Variants in MOXD1 observed in about 807,000 individuals in gnomAD.
MOXD1 encodes the protein DBH-like monooxygenase protein 1.
MOXD1 carries 62 observed loss-of-function variants against 66.6 expected under a neutral mutation model. The observed-to-expected ratio is 0.93, with a 90% CI of 0.76 to 1.15. The LOEUF (loss-of-function observed/expected upper bound fraction) is 1.15. Among genes scored for constraint, MOXD1 ranks in the 50% most tolerant of loss-of-function variants. The pLI, the probability that MOXD1 is intolerant of heterozygous loss-of-function variation, is 0.00. For missense variants in MOXD1, 847 were observed against 754.6 expected (o/e 1.12, Z -1.44); for synonymous variants, 303 against 281.9 (o/e 1.07, Z -0.75).
chr6:132,317,329 G>A (rs1774981388), intron 9 of MOXD1, among the ~76,000 whole-genome samples: 1 of 152,086 alleles, frequency 6.6e-6, no homozygotes, highest in African/African-American at 2.4e-5. Flanking sequence ...GGCAGGATTA[G>A]GCAAAGGAAG....
rs966635220 is a variant in MOXD1 at position 132,315,738 on chromosome 6, G to T, written c.1405C>A (p.Leu469Ile). 48 of 1,613,212 alleles carry T rather than the reference G, an allele frequency of 3.0e-5. No homozygotes were observed. Among genetic ancestry groups the T allele is most frequent in the Non-Finnish European group, 3.6e-5 (43 of 1,179,532 alleles). The change falls in exon 10 of 12, where the codon CTT becomes ATT. Residue 469 changes from leucine to isoleucine, a missense_variant. Coordinates refer to ENST00000367963, the MANE Select transcript of MOXD1 (RefSeq NM_015529.4). ...AGATTAATTCTTGGGTAATAAAGAA[G>T]GTATGAGAGACACATTTCACTCCTG... Reference protein sequence around the residue: ...STRSEMCLSYLLYYPRINLTR... With the variant: ...STRSEMCLSYILYYPRINLTR...
intron 1 of MOXD1, among the ~76,000 whole-genome samples, chr6:132,388,210 G>C (rs1364919197): frequency 6.6e-6 from 1 of 151,336 alleles, no homozygotes; most frequent in Non-Finnish European, 1.5e-5. Flanking sequence ...TGTTTTCAGT[G>C]TGTCACATAC....
At position 132,397,089 on chromosome 6, in the gene MOXD1, G is replaced by A. The variant is rs1452802430; in HGVS notation, c.264+4074C>T. On this transcript the variant is annotated intron_variant, in intron 1 of 11. Transcript: ENST00000367963. ...CTCTTGGGACCTGCCACCATGCTGT[G>A]ACAAAGTCAAGCAGCCACACAGAGA... Among the ~76,000 whole-genome samples, 5 of 152,292 alleles carry A rather than the reference G, an allele frequency of 3.3e-5. No individual in the cohort carries two copies. The East Asian group carries it at 9.6e-4, about 29-fold the overall frequency.
At chr6:132,377,550 T>G (rs1776418974) in intron 1 of MOXD1, among the ~76,000 whole-genome samples, 1 of 152,220 alleles carries the variant, frequency 6.6e-6, no homozygotes, top group Non-Finnish European at 1.5e-5. Flanking sequence ...TATTCCACCT[T>G]TTTCTGGCTT....
chr6:132,334,722 G>A (rs576544671), intron 4 of MOXD1, among the ~76,000 whole-genome samples: 51 of 152,292 alleles, frequency 3.3e-4, no homozygotes, highest in African/African-American at 1.1e-3. Flanking sequence ...AGAGGAAAGC[G>A]TTTCTATCCA....
intron 10 of MOXD1, among the ~76,000 whole-genome samples, chr6:132,301,788 A>G (rs904569665): frequency 5.3e-5 from 8 of 151,982 alleles, no homozygotes; most frequent in Non-Finnish European, 1.0e-4. Flanking sequence ...CCTGTAAAAA[A>G]CTCAAAATTC....
chr6:132,337,935 A>C (rs1006294921), intron 4 of MOXD1, among the ~76,000 whole-genome samples: 2 of 152,188 alleles, frequency 1.3e-5, no homozygotes, highest in African/African-American at 4.8e-5. Context: ...GGCCAGCAAG[A>C]AGTAGGAGTG....
At chr6:132,383,454 A>T (rs1232446983) in intron 1 of MOXD1, among the ~76,000 whole-genome samples, 1 of 152,186 alleles carries the variant, frequency 6.6e-6, no homozygotes, top group African/African-American at 2.4e-5. Flanking sequence ...ATACCTACTA[A>T]AATGCCAAAA....
chr6:132,357,858 C>T (rs1246403699), intron 4 of MOXD1, among the ~76,000 whole-genome samples: 2 of 152,116 alleles, frequency 1.3e-5, no homozygotes, highest in African/African-American at 4.8e-5. Context: ...ATCTCAATTT[C>T]AATTAATTAA....
At chr6:132,373,165 A>C (rs1189674021) in intron 2 of MOXD1, among the ~76,000 whole-genome samples, 168 bp from the exon 3 acceptor site, 2 of 152,262 alleles carry the variant, frequency 1.3e-5, no homozygotes, top group African/African-American at 4.8e-5. Context: ...AAATTTGATT[A>C]AGTCATTAAG....
chr6:132,347,676 C>CAA (rs11429443), intron 4 of MOXD1, among the ~76,000 whole-genome samples: 8,844 of 148,626 alleles, frequency 0.06, 494 homozygotes, highest in African/African-American at 0.15. Context: ...GATCCTGTCT[C>CAA]AAAAAAAAAA....
chr6:132,314,487 A>G (rs527559731), intron 10 of MOXD1, among the ~76,000 whole-genome samples: 58 of 152,332 alleles, frequency 3.8e-4, no homozygotes, highest in Non-Finnish European at 6.8e-4. Context: ...TATGTTGCCC[A>G]TAAAGTCCTA....
At chr6:132,317,647 G>C (rs1774988153) in intron 9 of MOXD1, among the ~76,000 whole-genome samples, 1 of 152,072 alleles carries the variant, frequency 6.6e-6, no homozygotes, top group South Asian at 2.1e-4. Context: ...TATCAAGACA[G>C]TGCACCAAAA....
At chr6:132,364,072 A>T (rs9375875) in intron 4 of MOXD1, among the ~76,000 whole-genome samples, 9,139 of 152,212 alleles carry the variant, frequency 0.06, 852 homozygotes, top group East Asian at 0.44. Context: ...AAATTGTTTC[A>T]TGTCAGTTGA....
intron 9 of MOXD1, among the ~76,000 whole-genome samples, chr6:132,316,281 A>G (rs1774953668): frequency 1.3e-5 from 2 of 152,136 alleles, no homozygotes; most frequent in African/African-American, 4.8e-5. Context: ...ACTACAACAT[A>G]TTATCTAATA....
chr6:132,322,947 G>C (rs1775109831), intron 7 of MOXD1, 77 bp from the exon 8 acceptor site: 5 of 1,254,630 alleles, frequency 4.0e-6, no homozygotes, highest in Non-Finnish European at 5.5e-6. Context: ...AACACACTTG[G>C]AGGGACAACT....
rs1773410152 is a variant in MOXD1, at chr6:132,328,555, G to A, written c.703C>T (p.His235Tyr). 1.2e-6 allele frequency: 2 copies of A among 1,613,970 alleles called. No homozygotes were observed. The highest frequency in any genetic ancestry group is 1.3e-5 in the African/African-American group (1 of 74,892). ...VIQRGHESLV[H>Y]HILLYQCSNN... ...CTGCACTGATAGAGCAGGATGTGGT[G>A]CACCAGACTCTCATGGCCTCTCTGT... Residue 235 changes from histidine to tyrosine, a missense_variant, in exon 5 of 12, where the codon CAC (histidine) becomes TAC (tyrosine). Physicochemically the swap from His to Tyr is moderately conservative, Grantham distance 83. Coordinates refer to ENST00000367963, the MANE Select transcript of MOXD1 (RefSeq NM_015529.4).
chr6:132,340,319 A>T (rs934944778), intron 4 of MOXD1, among the ~76,000 whole-genome samples: 1 of 152,042 alleles, frequency 6.6e-6, no homozygotes, highest in African/African-American at 2.4e-5. Flanking sequence ...TTCTTCAATC[A>T]CCCTTTATTT....
intron 2 of MOXD1, 97 bp from the exon 3 acceptor site, chr6:132,373,094 G>A: frequency 1.7e-6 from 2 of 1,169,572 alleles, no homozygotes; most frequent in South Asian, 2.1e-5. Flanking sequence ...AGATATAGAA[G>A]TGAAGAAAAG....
Sources: allele counts gnomAD v4.1 joint callset (sites outside exome capture counted in the v4.1 genomes callset), GRCh38; gene constraint gnomAD v4.1.1; transcripts MANE v1.5; gene names NCBI Gene and HGNC (gene_info 2026-07-23, HGNC 2026-07-21).